The following OR2Z1 variants were observed in gnomAD, a reference collection of about 807,000 sequenced individuals.
OR2Z1 encodes the protein olfactory receptor 2Z1.
For missense variants in OR2Z1, 449 were observed against 401.8 expected (o/e 1.12, Z -1.00); for synonymous variants, 188 against 160.6 (o/e 1.17, Z -1.29).
intron 2 of OR2Z1, among the ~76,000 whole-genome samples, chr19:8,729,411 G>GC (rs1555756478): frequency 7.0e-6 from 1 of 142,468 alleles, no homozygotes; most frequent in Non-Finnish European, 1.5e-5. Flanking sequence ...CAATGAACAG[G>GC]TTTTTTTTTT....
At chr19:8,729,071 G>C in intron 2 of OR2Z1, 1 of 1,153,652 alleles carries the variant, frequency 8.7e-7, no homozygotes, top group Non-Finnish European at 1.3e-6. Context: ...GCTGCTGGAA[G>C]GTGGGTGACA....
At position 8,731,604 on chromosome 19, in the gene OR2Z1, C is replaced by G. The variant is rs141980697; in HGVS notation, c.576C>G (p.Thr192=). 4 of 1,613,784 alleles carry G rather than the reference C, an allele frequency of 2.5e-6. No individual in the cohort carries two copies. The highest frequency in any genetic ancestry group is 1.7e-6 in the Non-Finnish European group (2 of 1,180,028). Residue 192 remains threonine, a synonymous_variant, in exon 3 of 3, where the codon ACC becomes ACG. Transcript: ENST00000641125. ...PALLKLSCAD[T]CAYEMALSTS... ...TACTGAAGCTCTCCTGTGCAGATACCTGTGCCTACGAGATGGCGCTGTCCA... is the reference window on the plus strand; with the variant it reads ...TACTGAAGCTCTCCTGTGCAGATACGTGTGCCTACGAGATGGCGCTGTCCA...
intron 2 of OR2Z1, among the ~76,000 whole-genome samples, chr19:8,726,087 T>A (rs2043326127): frequency 1.3e-5 from 2 of 152,128 alleles, no homozygotes; most frequent in Admixed American, 6.6e-5. Context: ...TGCCTCAGCC[T>A]CCCGAGTAGC....
rs554992134 is a variant in OR2Z1 at position 8,721,740 on chromosome 19, T to C, written c.-517T>C. The C allele has an allele frequency of 2.0e-5, 3 of 152,310 alleles. No homozygotes were observed. The highest frequency in any genetic ancestry group is 7.2e-5 in the African/African-American group (3 of 41,556). 9.4% of individuals were successfully genotyped at this position (152,310 alleles called of 1,614,324 possible). A position where few individuals can be genotyped will look rare whatever the true frequency, so the allele number is the denominator to read the frequency against. On this transcript the variant is annotated 5_prime_UTR_variant, in exon 1 of 3. Transcript: ENST00000641125. ...GAAGGTCACCCATGTTGACGTTCAT[T>C]CCAAACCTTCCATAAAATGTGCTGG...
At position 8,730,947 on chromosome 19, in the gene OR2Z1, A is replaced by G. The variant is rs1333991148; in HGVS notation, c.-82A>G. The G allele has an allele frequency of 2.8e-6, 3 of 1,062,574 alleles. No homozygotes were observed. The highest frequency in any genetic ancestry group is 3.2e-5 in the African/African-American group (2 of 63,484). The allele number at this position is 1,062,574 out of a possible 1,614,324, so 65.8% of individuals were successfully genotyped here. A position where few individuals can be genotyped will look rare whatever the true frequency, so the allele number is the denominator to read the frequency against. ...CAATCAATGATGATTGGCATGTGAG[A>G]TGAAAATTATTTGCCACCCCATGCA... On this transcript the variant is annotated 5_prime_UTR_variant, in exon 3 of 3. The change abolishes an upstream ATG in the 5' untranslated region. Transcript: ENST00000641125.
rs530024268 is a variant in OR2Z1, at chr19:8,731,426, C to T, written c.398C>T (p.Pro133Leu). 9.9e-6 allele frequency: 16 copies of T among 1,614,082 alleles called. No homozygotes were observed. In the South Asian group the frequency reaches 1.6e-4, roughly 17 times the overall value. Residue 133 changes from proline to leucine, a missense_variant, in exon 3 of 3, where the codon CCT becomes CTT. Transcript: ENST00000641125. ...GCTGTGTGCCAGCCCCTGCAGTATCCTGTACTTATGAGACGCCAGGTATGT... is the reference window on the plus strand; with the variant it reads ...GCTGTGTGCCAGCCCCTGCAGTATCTTGTACTTATGAGACGCCAGGTATGT... ...YVAVCQPLQY[P>L]VLMRRQVCLL...
At chr19:8,725,965 C>CT (rs35445311) in intron 2 of OR2Z1, among the ~76,000 whole-genome samples, 45,898 of 151,520 alleles carry the variant, frequency 0.3, 8,023 homozygotes, top group Middle Eastern at 0.41. Flanking sequence ...GTGCTACACA[C>CT]TTTTTTTTGG....
chr19:8,726,905 T>A (rs919949931), intron 2 of OR2Z1, among the ~76,000 whole-genome samples: 43 of 152,148 alleles, frequency 2.8e-4, no homozygotes, highest in African/African-American at 8.0e-4. Flanking sequence ...TCTTTTTTTT[T>A]AAATTTAACC....
chr19:8,726,365 T>A (rs1287346531), intron 2 of OR2Z1, among the ~76,000 whole-genome samples: 1 of 152,134 alleles, frequency 6.6e-6, no homozygotes, highest in Non-Finnish European at 1.5e-5. Flanking sequence ...ACCTCCATGA[T>A]CCAATCACCT....
At position 8,731,757 on chromosome 19, in the gene OR2Z1, G is replaced by A. The variant is rs2043358316; in HGVS notation, c.729G>A (p.Ser243=). Residue 243 remains serine, a synonymous_variant, in exon 3 of 3, where the codon TCG becomes TCA. Coordinates refer to ENST00000641125, the MANE Select transcript of OR2Z1 (RefSeq NM_001004699.3). ...ACAAGGCTGTCACCACCTGCTCCTC[G>A]CACATCACGGTAGTGGGGCTCTTTT... ...ARHKAVTTCS[S]HITVVGLFYG... is the part of the protein sequence containing the mutation. 1.2e-6 allele frequency: 2 copies of A among 1,614,080 alleles called. No individual in the cohort carries two copies. The highest frequency in any genetic ancestry group is 1.1e-5 in the South Asian group (1 of 91,090).
chr19:8,728,266 C>G (rs1421714463), intron 2 of OR2Z1, among the ~76,000 whole-genome samples: 4 of 152,220 alleles, frequency 2.6e-5, no homozygotes, highest in Admixed American at 2.6e-4. Context: ...GGAAGTATTC[C>G]TGATTTAAGT....
chr19:8,727,334 C>T (rs568807026), intron 2 of OR2Z1, among the ~76,000 whole-genome samples: 1 of 152,278 alleles, frequency 6.6e-6, no homozygotes, highest in Non-Finnish European at 1.5e-5. Flanking sequence ...CCCTGGTCAC[C>T]TCTGTTGAAA....
At chr19:8,729,177 G>A in intron 2 of OR2Z1, 2 of 977,752 alleles carry the variant, frequency 2.0e-6, no homozygotes, top group South Asian at 2.6e-5. Context: ...GGAGGGGCAG[G>A]AGCTTCCTTA....
rs1161122415 is a variant in OR2Z1, at chr19:8,727,549, TATA to T, written c.-169-3297_-169-3295del. 5.3e-5 allele frequency among the ~76,000 whole-genome samples: 8 copies of T among 151,914 alleles called. No homozygotes were observed. The East Asian group carries it at 1.4e-3, about 26-fold the overall frequency. ...TGCACATGTACCCTAAAACTTAAAG[TATA>T]ATAATAATAATAAAAAAAAACAACT... On this transcript the variant is annotated intron_variant, in intron 2 of 2. Coordinates refer to ENST00000641125, the MANE Select transcript of OR2Z1 (RefSeq NM_001004699.3).
At position 8,723,968 on chromosome 19, in the gene OR2Z1, T is replaced by TTGTG. The variant is rs55655760; in HGVS notation, c.-170+858_-170+861dup. On this transcript the variant is annotated intron_variant, in intron 2 of 2. Coordinates refer to ENST00000641125, the MANE Select transcript of OR2Z1 (RefSeq NM_001004699.3). ...AACTTAGTGGTGAAGGGGAGTCTGT[T>TTGTG]TGTGTGTGTGTGTGTGTGTGTGTGT... Among the ~76,000 whole-genome samples, 644 of 132,854 alleles carry TTGTG rather than the reference T, an allele frequency of 4.8e-3. 4 individuals are homozygous for TTGTG. Among genetic ancestry groups the TTGTG allele is most frequent in the Non-Finnish European group, 7.4e-3 (453 of 61,100 alleles). 87.2% of individuals were successfully genotyped at this position (132,854 alleles called of 152,430 possible).
intron 2 of OR2Z1, among the ~76,000 whole-genome samples, chr19:8,730,388 A>T (rs2043346673): frequency 1.3e-5 from 2 of 151,816 alleles, no homozygotes. Flanking sequence ...GTATTGAAGC[A>T]TTCCACCATC....
At position 8,731,108 on chromosome 19, in the gene OR2Z1, T is replaced by C. The variant is rs1555756685; in HGVS notation, c.80T>C (p.Leu27Pro). 6.2e-7 allele frequency: 1 copy of C among 1,614,186 alleles called. No individual in the cohort carries two copies. Among genetic ancestry groups the C allele is most frequent in the Admixed American group, 1.7e-5 (1 of 60,020 alleles). ...AGTCACTCAGGATCACGCCAGCTCC[T>C]CTTCTCCCTGGTGGCTGTCATGTTT... ...LFSHSGSRQLLFSLVAVMFVI... is the reference protein window; with the variant it reads ...LFSHSGSRQLPFSLVAVMFVI... Residue 27 changes from leucine to proline, a missense_variant, in exon 3 of 3, where the codon CTC becomes CCC. Coordinates refer to ENST00000641125, the MANE Select transcript of OR2Z1 (RefSeq NM_001004699.3).
intron 2 of OR2Z1, among the ~76,000 whole-genome samples, chr19:8,729,411 G>GT (rs34124566): frequency 0.46 from 65,930 of 142,334 alleles, 15,311 homozygotes; most frequent in Non-Finnish European, 0.49. Context: ...CAATGAACAG[G>GT]TTTTTTTTTT....
At chr19:8,730,536 C>A (rs537431120) in intron 2 of OR2Z1, among the ~76,000 whole-genome samples, 16 of 152,226 alleles carry the variant, frequency 1.1e-4, no homozygotes, top group African/African-American at 3.9e-4. Flanking sequence ...TCTCCTGTGT[C>A]AGCCTCCTAA....
Sources: allele counts gnomAD v4.1 joint callset (sites outside exome capture counted in the v4.1 genomes callset), GRCh38; gene constraint gnomAD v4.1.1; transcripts MANE v1.5; gene names NCBI Gene and HGNC (gene_info 2026-07-23, HGNC 2026-07-21).